NAV1: variants seen among roughly 807,000 people sequenced by gnomAD.
The protein encoded by NAV1 is pore membrane and/or filament interacting like protein 3.
NAV1 carries 18 observed loss-of-function variants against 175.2 expected under a neutral mutation model. The ratio of observed to expected loss-of-function variants is 0.10; its 90% CI spans 0.07 to 0.15. The LOEUF is 0.15. Among genes scored for constraint, NAV1 ranks in the 10% least tolerant of loss-of-function variants. The pLI, the probability that NAV1 is intolerant of heterozygous loss-of-function variation, is 1.00. For synonymous variants in NAV1, 897 were observed against 978.7 expected (o/e 0.92, Z 1.56); for missense variants, 1,731 against 2,436.6 (o/e 0.71, Z 6.10).
At chr1:201,761,924 G>A (rs1047618316) in intron 3 of NAV1, among the ~76,000 whole-genome samples, 1 of 152,060 alleles carries the variant, frequency 6.6e-6, no homozygotes, top group African/African-American at 2.4e-5. Context: ...AAGCCAAGGC[G>A]GGAGGATAAC....
At chr1:201,598,089 T>G (rs1420594066) in intron 2 of NAV1, among the ~76,000 whole-genome samples, 3 of 152,140 alleles carry the variant, frequency 2.0e-5, no homozygotes, top group Admixed American at 1.3e-4. Context: ...AAGGCAGCTT[T>G]GGAGATGAGC....
intron 2 of NAV1, among the ~76,000 whole-genome samples, chr1:201,617,067 G>A (rs940111445): frequency 2.6e-5 from 4 of 152,154 alleles, no homozygotes; most frequent in African/African-American, 9.7e-5. Flanking sequence ...TCCCCAGGAT[G>A]AGGGAACTAA....
In NAV1 at chr1:201,767,399, C is replaced by T. The variant is rs546858841; in HGVS notation, c.1227-13022C>T. ...CCAGGAGGTGGAGGTTGCAGTGAGC[C>T]GAGATTGCGCCATTGCACTCCAGCC... On this transcript the variant is annotated intron_variant, in intron 3 of 29. Coordinates refer to ENST00000367296, the Ensembl canonical transcript of NAV1. 1.3e-3 allele frequency among the ~76,000 whole-genome samples: 181 copies of T among 136,396 alleles called. 1 individual carries two copies. The highest frequency in any genetic ancestry group is 4.4e-3 in the African/African-American group (166 of 37,768). 89.5% of individuals were successfully genotyped at this position (136,396 alleles called of 152,430 possible). A position where few individuals can be genotyped will look rare whatever the true frequency, so the allele number is the denominator to read the frequency against.
chr1:201,648,977 G>T lies in NAV1; in HGVS notation c.309G>T (p.Lys103Asn). The T allele has an allele frequency of 3.7e-6, 6 of 1,613,350 alleles. No homozygotes were observed. The highest frequency in any genetic ancestry group is 5.1e-6 in the Non-Finnish European group (6 of 1,179,978). Reference sequence around the variant, plus strand: ...CTTTTCTCACGGACTCCGAGAAAAAGCTGCAGCTTTATGAGCCCGAATGGA... The same window carrying T: ...CTTTTCTCACGGACTCCGAGAAAAATCTGCAGCTTTATGAGCCCGAATGGA... The change falls in exon 1 of 30, where the codon AAG becomes AAT. Residue 103 changes from lysine (K) to asparagine (N), a missense_variant. Lys to Asn is a moderately conservative substitution (Grantham distance 94). This residue lies in a region of NAV1 where 487 missense variants were observed against 581.3 expected (regional missense o/e 0.84). Transcript: ENST00000367296.
intron 2 of NAV1, among the ~76,000 whole-genome samples, chr1:201,641,257 G>C (rs1049366609): frequency 6.6e-6 from 1 of 152,154 alleles, no homozygotes; most frequent in Non-Finnish European, 1.5e-5. Flanking sequence ...TGCAGAGCCT[G>C]ACCACTTCTC....
intron 2 of NAV1, among the ~76,000 whole-genome samples, chr1:201,630,937 A>G (rs1314881420): frequency 6.6e-6 from 1 of 152,166 alleles, no homozygotes; most frequent in Non-Finnish European, 1.5e-5. Context: ...TTATCCGATG[A>G]GTTGATGAGA....
chr1:201,671,950 C>T (rs550515748), intron 1 of NAV1, among the ~76,000 whole-genome samples: 1 of 152,316 alleles, frequency 6.6e-6, no homozygotes, highest in South Asian at 2.1e-4. Context: ...CTCTCTCTGC[C>T]ATCCTGATCC....
intron 3 of NAV1, among the ~76,000 whole-genome samples, chr1:201,767,648 G>C (rs965931320): frequency 2.0e-5 from 3 of 152,030 alleles, no homozygotes; most frequent in Non-Finnish European, 4.4e-5. Context: ...GCCACATTTC[G>C]AGTACTCATT....
intron 1 of NAV1, among the ~76,000 whole-genome samples, chr1:201,654,240 C>G (rs1669313303): frequency 6.6e-6 from 1 of 152,204 alleles, no homozygotes. Context: ...TGGCTCTAAC[C>G]CCAGGCCACA....
At chr1:201,608,918 G>T (rs1043122010) in intron 2 of NAV1, among the ~76,000 whole-genome samples, 2 of 152,224 alleles carry the variant, frequency 1.3e-5, no homozygotes, top group African/African-American at 4.8e-5. Context: ...TCTGAGGGAG[G>T]CTGCTGGAGC....
chr1:201,721,657 T>C (rs1286119396), intron 3 of NAV1, among the ~76,000 whole-genome samples: 1 of 152,216 alleles, frequency 6.6e-6, no homozygotes, highest in East Asian at 1.9e-4. Flanking sequence ...GCTTCAGCGC[T>C]TCCCTCCACA....
intron 1 of NAV1, among the ~76,000 whole-genome samples, chr1:201,664,543 A>C (rs1235811718): frequency 1.3e-5 from 2 of 152,214 alleles, no homozygotes; most frequent in South Asian, 4.1e-4. Flanking sequence ...AAAGCGCCCC[A>C]AAATTGATTG....
chr1:201,604,402 T>A (rs1444869590), intron 2 of NAV1, among the ~76,000 whole-genome samples: 1 of 151,898 alleles, frequency 6.6e-6, no homozygotes, highest in African/African-American at 2.4e-5. Flanking sequence ...ATGGGCCGGG[T>A]GTACAACGGC....
chr1:201,715,660 G>A (rs1003368054), intron 2 of NAV1, among the ~76,000 whole-genome samples: 2 of 152,208 alleles, frequency 1.3e-5, no homozygotes, highest in Non-Finnish European at 2.9e-5. Flanking sequence ...CAGGCACAGC[G>A]CTGGGCACTG....
intron 1 of NAV1, among the ~76,000 whole-genome samples, chr1:201,678,262 T>C (rs1328640831): frequency 6.6e-6 from 1 of 152,202 alleles, no homozygotes; most frequent in Non-Finnish European, 1.5e-5. Context: ...GCCTCCTACC[T>C]CTCAACGTAA....
intron 1 of NAV1, among the ~76,000 whole-genome samples, chr1:201,662,490 C>T (rs556704012): frequency 7.2e-5 from 11 of 152,240 alleles, no homozygotes; most frequent in Admixed American, 1.3e-4. Flanking sequence ...CTGCCTGGGG[C>T]GATAGAAGGA....
At chr1:201,809,572 T>A in intron 22 of NAV1, 35 bp downstream of exon 26, 1 of 1,587,336 alleles carries the variant, frequency 6.3e-7, no homozygotes, top group East Asian at 2.2e-5. Context: ...AGGTTGTTCA[T>A]CCTCTCGTGG....
intron 2 of NAV1, among the ~76,000 whole-genome samples, chr1:201,599,635 A>G (rs1037587286): frequency 6.6e-6 from 1 of 152,086 alleles, no homozygotes; most frequent in African/African-American, 2.4e-5. Context: ...CTCTCCATGA[A>G]TTTTGCGTCT....
intron 1 of NAV1, among the ~76,000 whole-genome samples, chr1:201,570,836 T>A (rs765869467): frequency 4.9e-4 from 75 of 152,204 alleles, no homozygotes; most frequent in Non-Finnish European, 9.6e-4. Context: ...ACATTCTCCA[T>A]CTCTGGAACC....
Sources: gnomAD v4.1 joint callset for allele counts (sites outside exome capture counted in the v4.1 genomes callset) on GRCh38, gnomAD v4.1.1 for gene constraint, gnomAD v4.1.1 regional missense constraint, MANE v1.5 for transcripts, NCBI Gene and HGNC (gene_info 2026-07-23, HGNC 2026-07-21) for gene names.